CCDC85A: variants seen among roughly 807,000 people sequenced by gnomAD.
The protein encoded by CCDC85A is coiled-coil domain containing 85A.
In CCDC85A, 38 loss-of-function variants were observed where a neutral mutation model predicts 50.2. That is an observed-to-expected ratio of 0.76 (90% CI 0.58 to 0.99). CCDC85A has a LOEUF of 0.99. CCDC85A is among the 50% of genes least tolerant of loss of function. CCDC85A has a pLI of 0.00. For missense variants in CCDC85A, 820 were observed against 742.0 expected (o/e 1.11, Z -1.22); for synonymous variants, 366 against 301.4 (o/e 1.21, Z -2.22).
At chr2:56,271,397 A>G (rs1670689783) in intron 2 of CCDC85A, among the ~76,000 whole-genome samples, 1 of 152,126 alleles carries the variant, frequency 6.6e-6, no homozygotes, top group Non-Finnish European at 1.5e-5. Context: ...CTGGACTCAG[A>G]GTCCAGGAAG....
In CCDC85A at chr2:56,358,766, C is replaced by G. The variant is rs370368383; in HGVS notation, c.1318-13578C>G. ...ATTCATCCATGACTCTGGGTTATCT[C>G]TTATATTTTTGTCTTTTTTTCTTTC... On this transcript the variant is annotated intron_variant, in intron 3 of 5. Transcript: ENST00000407595. Among the ~76,000 whole-genome samples the G allele has an allele frequency of 3.3e-5, 5 of 149,986 alleles. No homozygotes were observed. The East Asian group carries it at 1.0e-3, about 30-fold the overall frequency.
chr2:56,326,333 A>C (rs1431548065), intron 2 of CCDC85A, among the ~76,000 whole-genome samples: 1 of 152,174 alleles, frequency 6.6e-6, no homozygotes, highest in Admixed American at 6.6e-5. Context: ...CTTTTAGGCA[A>C]AGTGCTTGAT....
At chr2:56,282,765 C>G (rs1254723566) in intron 2 of CCDC85A, among the ~76,000 whole-genome samples, 2 of 152,260 alleles carry the variant, frequency 1.3e-5, no homozygotes, top group Non-Finnish European at 2.9e-5. Flanking sequence ...TCGCCTCGGC[C>G]TCCCAGAGTG....
chr2:56,359,811 A>T (rs977497919), intron 3 of CCDC85A, among the ~76,000 whole-genome samples: 5 of 152,192 alleles, frequency 3.3e-5, no homozygotes, highest in African/African-American at 1.2e-4. Flanking sequence ...TTTGTCATAT[A>T]TGTGGGTTTT....
chr2:56,353,867 G>C (rs1259424363), intron 3 of CCDC85A, among the ~76,000 whole-genome samples: 1 of 152,124 alleles, frequency 6.6e-6, no homozygotes, highest in African/African-American at 2.4e-5. Flanking sequence ...CCTTGTGAAG[G>C]GTGGTATATA....
At chr2:56,382,826 G>T (rs6736675) in intron 5 of CCDC85A, among the ~76,000 whole-genome samples, 151,966 of 152,100 alleles carry the variant, frequency 1, 75,916 homozygotes, top group Middle Eastern at 1. Flanking sequence ...TCTGTTATCC[G>T]TGTAAGGTCC....
At chr2:56,219,630 G>T (rs542045495) in intron 2 of CCDC85A, among the ~76,000 whole-genome samples, 1 of 151,834 alleles carries the variant, frequency 6.6e-6, no homozygotes, top group South Asian at 2.1e-4. Context: ...ACCCCTGGAT[G>T]CTTACCCTCC....
At chr2:56,227,540 C>T (rs1252559524) in intron 2 of CCDC85A, among the ~76,000 whole-genome samples, 1 of 152,130 alleles carries the variant, frequency 6.6e-6, no homozygotes, top group African/African-American at 2.4e-5. Context: ...ACGTAGATGG[C>T]ATGTCTGGAT....
chr2:56,334,459 ATAGG>A (rs1307082780), intron 2 of CCDC85A, among the ~76,000 whole-genome samples: 3 of 152,250 alleles, frequency 2.0e-5, no homozygotes, highest in Non-Finnish European at 4.4e-5. Flanking sequence ...ACTATGAGAA[ATAGG>A]TAGAGAAATC....
Position 56,209,242 on chromosome 2 carries a change from G to A in CCDC85A, c.1240+15802G>A, listed in dbSNP as rs370422725. 8.5e-5 allele frequency among the ~76,000 whole-genome samples: 13 copies of A among 152,158 alleles called. No individual in the cohort carries two copies. In the East Asian group the frequency reaches 1.8e-3, roughly 20 times the overall value. On this transcript the variant is annotated intron_variant, in intron 2 of 5. Transcript: ENST00000407595. ...AATAGAATGCTAATTTGTTGAACGC[G>A]ACCTATTTGAAAGTAAACACTCTTC...
At position 56,344,233 on chromosome 2, in the gene CCDC85A, T is replaced by C. The variant is rs577903191; in HGVS notation, c.1317+1278T>C. On this transcript the variant is annotated intron_variant, in intron 3 of 5. Transcript: ENST00000407595. ...CACAGTAAGAGATTAACAACACTAATAACAAAGTTATTATTAGTAAAGTAC... is the reference window on the plus strand; with the variant it reads ...CACAGTAAGAGATTAACAACACTAACAACAAAGTTATTATTAGTAAAGTAC... 2.0e-5 allele frequency among the ~76,000 whole-genome samples: 3 copies of C among 152,274 alleles called. No homozygotes were observed. In the East Asian group the frequency reaches 5.8e-4, roughly 29 times the overall value.
At chr2:56,239,938 G>C (rs1454105379) in intron 2 of CCDC85A, among the ~76,000 whole-genome samples, 2 of 152,066 alleles carry the variant, frequency 1.3e-5, no homozygotes, top group Middle Eastern at 3.2e-3. Flanking sequence ...GGAATTGCTT[G>C]AGTTTTACCA....
At chr2:56,250,120 A>G (rs943312609) in intron 2 of CCDC85A, among the ~76,000 whole-genome samples, 9 of 152,202 alleles carry the variant, frequency 5.9e-5, no homozygotes, top group African/African-American at 2.2e-4. Flanking sequence ...TTATTGTGAG[A>G]GTGAAGGGCA....
intron 3 of CCDC85A, 25 bp downstream of exon 3, chr2:56,342,980 G>A: frequency 6.8e-7 from 1 of 1,464,608 alleles, no homozygotes; most frequent in Non-Finnish European, 9.4e-7. Flanking sequence ...GAAGCTCATA[G>A]CTAGTCAGTG....
At chr2:56,258,636 A>G (rs565653771) in intron 2 of CCDC85A, among the ~76,000 whole-genome samples, 2 of 152,350 alleles carry the variant, frequency 1.3e-5, no homozygotes, top group East Asian at 3.9e-4. Flanking sequence ...AGACCGGAAT[A>G]TATCTGTGGC....
chr2:56,286,235 T>G (rs903610495), intron 2 of CCDC85A, among the ~76,000 whole-genome samples: 1 of 152,160 alleles, frequency 6.6e-6, no homozygotes, highest in African/African-American at 2.4e-5. Flanking sequence ...TTCACTGAGC[T>G]TTTTTGGATC....
At chr2:56,305,717 G>T (rs1443933864) in intron 2 of CCDC85A, among the ~76,000 whole-genome samples, 1 of 152,146 alleles carries the variant, frequency 6.6e-6, no homozygotes, top group Non-Finnish European at 1.5e-5. Context: ...CATGGTCTTG[G>T]GTTTAATTGA....
At chr2:56,358,271 A>C (rs772058653) in intron 3 of CCDC85A, among the ~76,000 whole-genome samples, 29 of 152,144 alleles carry the variant, frequency 1.9e-4, no homozygotes, top group Non-Finnish European at 3.7e-4. Flanking sequence ...TTACTATGAG[A>C]GTTCATTTCT....
chr2:56,274,067 A>G (rs1670817044), intron 2 of CCDC85A, among the ~76,000 whole-genome samples: 1 of 152,188 alleles, frequency 6.6e-6, no homozygotes, highest in Non-Finnish European at 1.5e-5. Context: ...AAATCAGTTG[A>G]TAAGTATAAA....
Sources: allele counts gnomAD v4.1 joint callset (sites outside exome capture counted in the v4.1 genomes callset), GRCh38; gene constraint gnomAD v4.1.1; transcripts MANE v1.5; gene names NCBI Gene and HGNC (gene_info 2026-07-23, HGNC 2026-07-21).